The following FANCL variants were observed in gnomAD, a reference collection of about 807,000 sequenced individuals.
FANCL encodes the protein E3 ubiquitin-protein ligase FANCL.
A neutral mutation model predicts 59.4 loss-of-function variants in FANCL; 69 were observed. The observed-to-expected ratio is 1.16, with a 90% confidence interval of 0.96 to 1.42. The LOEUF (loss-of-function observed/expected upper bound fraction) is 1.42, where lower values mean the gene tolerates loss of function less well. Among genes scored for constraint, FANCL ranks in the 40% most tolerant of loss-of-function variants. The pLI is 0.00. For synonymous variants in FANCL, 180 were observed against 147.1 expected (o/e 1.22, Z -1.62); for missense variants, 519 against 447.2 (o/e 1.16, Z -1.45).
At chr2:58,238,878 T>C (rs547537942) in intron 1 of FANCL, among the ~76,000 whole-genome samples, 1 of 152,272 alleles carries the variant, frequency 6.6e-6, no homozygotes, top group East Asian at 1.9e-4. Context: ...AAAACACTGA[T>C]GAGAGGAAAT....
intron 3 of FANCL, among the ~76,000 whole-genome samples, chr2:58,228,579 T>C (rs956487866): frequency 3.3e-5 from 5 of 152,238 alleles, no homozygotes; most frequent in Non-Finnish European, 2.9e-5. Context: ...AACGGCAGAA[T>C]TGAGTAGCTG....
intron 4 of FANCL, among the ~76,000 whole-genome samples, chr2:58,226,142 A>C (rs1469494044): frequency 6.6e-6 from 1 of 152,054 alleles, no homozygotes; most frequent in Non-Finnish European, 1.5e-5. Context: ...AGATTGGCAA[A>C]ATGTTAAAAT....
Position 58,163,544 on chromosome 2 carries a change from T to G in FANCL, c.692-27A>C, listed in dbSNP as rs12624152. The G allele has an allele frequency of 0.099, 140,870 of 1,424,508 alleles. 7,915 individuals are homozygous for G. Among genetic ancestry groups the G allele is most frequent in the East Asian group, 0.22 (9,539 of 43,608 alleles). The allele number at this position is 1,424,508 out of a possible 1,614,324, so 88.2% of individuals were successfully genotyped here. Reference sequence around the variant, plus strand: ...TAGAATGAAACAAGATTAAATCTTTTAGAAGTAGAACAGCTCATCAAACAA... The same window carrying G: ...TAGAATGAAACAAGATTAAATCTTTGAGAAGTAGAACAGCTCATCAAACAA... On this transcript the variant is annotated intron_variant, in intron 8 of 13. Transcript: ENST00000233741.
At chr2:58,223,177 G>C (rs1692653299) in intron 4 of FANCL, among the ~76,000 whole-genome samples, 1 of 150,480 alleles carries the variant, frequency 6.6e-6, no homozygotes. Flanking sequence ...GATCCGTACA[G>C]CTGAGAATAT....
intron 8 of FANCL, 37 bp downstream of exon 8, chr2:58,165,687 C>T: frequency 1.2e-6 from 2 of 1,612,860 alleles, no homozygotes; most frequent in Non-Finnish European, 1.7e-6. Context: ...CAAAATAAAA[C>T]ACCTAAAAAC....
chr2:58,235,481 C>G (rs72618695), intron 1 of FANCL, among the ~76,000 whole-genome samples: 39,799 of 152,002 alleles, frequency 0.26, 6,302 homozygotes, highest in South Asian at 0.41. Context: ...TGCTTAAAAG[C>G]TTAAAGCTTA....
At chr2:58,228,588 TGC>T (rs1392236028) in intron 3 of FANCL, among the ~76,000 whole-genome samples, 1 of 152,220 alleles carries the variant, frequency 6.6e-6, no homozygotes, top group African/African-American at 2.4e-5. Context: ...ATTGAGTAGC[TGC>T]AACAGAGATC....
chr2:58,222,133 T>G, intron 4 of FANCL, 91 bp from the exon 5 acceptor site: 1 of 866,066 alleles, frequency 1.2e-6, no homozygotes, highest in South Asian at 1.5e-5. Flanking sequence ...CATTATCTTC[T>G]TAGTGCCTAA....
intron 7 of FANCL, among the ~76,000 whole-genome samples, chr2:58,186,628 C>A (rs1688428933): frequency 6.6e-6 from 1 of 152,164 alleles, no homozygotes; most frequent in Non-Finnish European, 1.5e-5. Flanking sequence ...GCTTCCATGC[C>A]ACTGGCTGAA....
intron 7 of FANCL, among the ~76,000 whole-genome samples, chr2:58,179,138 G>A (rs191969664): frequency 1.2e-4 from 19 of 152,228 alleles, no homozygotes; most frequent in Admixed American, 4.6e-4. Flanking sequence ...AATCAATATC[G>A]TGAAAATGGC....
intron 4 of FANCL, among the ~76,000 whole-genome samples, chr2:58,223,425 T>C (rs1471077246): frequency 6.6e-6 from 1 of 151,956 alleles, no homozygotes; most frequent in African/African-American, 2.4e-5. Context: ...AAATATTAAT[T>C]ATTGCTATTC....
chr2:58,210,347 C>G (rs903614822), intron 5 of FANCL, among the ~76,000 whole-genome samples: 9 of 152,128 alleles, frequency 5.9e-5, no homozygotes, highest in African/African-American at 2.2e-4. Flanking sequence ...GATGCAAAAG[C>G]AGAAACCCAA....
rs148178058 is a variant in FANCL, at chr2:58,163,298, G to A, written c.775+136C>T. 292 of 754,098 alleles carry A rather than the reference G, an allele frequency of 3.9e-4. 3 individuals carry two copies. In the African/African-American group the frequency reaches 4.6e-3, roughly 12 times the overall value. The allele number at this position is 754,098 out of a possible 1,614,324, so 46.7% of individuals were successfully genotyped here. On this transcript the variant is annotated intron_variant, in intron 9 of 13. Coordinates refer to ENST00000233741, the MANE Select transcript of FANCL (RefSeq NM_018062.4). ...ATCGCGCCATTACACTACATACTGG[G>A]CAACAAGAGCAAAACTCCGTCTCAG...
At chr2:58,226,668 CA>C (rs1693030700) in intron 4 of FANCL, 59 bp downstream of exon 4, 2 of 1,268,938 alleles carry the variant, frequency 1.6e-6, no homozygotes, top group African/African-American at 1.5e-5. Context: ...AAAGGAGTTA[CA>C]AAAAAGAAAT....
chr2:58,211,332 A>G (rs888339943), intron 5 of FANCL, among the ~76,000 whole-genome samples: 1 of 152,200 alleles, frequency 6.6e-6, no homozygotes, highest in Admixed American at 6.5e-5. Flanking sequence ...GGCCCTTTTC[A>G]GCCACAGCTG....
intron 7 of FANCL, among the ~76,000 whole-genome samples, chr2:58,197,152 CT>C (rs1689515864): frequency 6.7e-6 from 1 of 149,122 alleles, no homozygotes. Flanking sequence ...GAGATTGGGA[CT>C]TTAAAAAAAA....
At chr2:58,192,232 CA>C (rs1204638369) in intron 7 of FANCL, among the ~76,000 whole-genome samples, 2 of 151,880 alleles carry the variant, frequency 1.3e-5, no homozygotes, top group Admixed American at 1.3e-4. Context: ...GCACAGATCT[CA>C]AATCTTCTAC....
chr2:58,213,336 C>T (rs973024518), intron 5 of FANCL, among the ~76,000 whole-genome samples: 23 of 152,176 alleles, frequency 1.5e-4, no homozygotes, highest in African/African-American at 5.3e-4. Context: ...TTTAGATCAG[C>T]AGGTCCTGAA....
At chr2:58,234,466 G>GA (rs1301416908) in intron 1 of FANCL, among the ~76,000 whole-genome samples, 1 of 150,488 alleles carries the variant, frequency 6.6e-6, no homozygotes, top group Admixed American at 6.6e-5. Context: ...TACCAAATGA[G>GA]AAAAAAATTA....
Sources: allele counts gnomAD v4.1 joint callset (sites outside exome capture counted in the v4.1 genomes callset), GRCh38; gene constraint gnomAD v4.1.1; transcripts MANE v1.5; gene names NCBI Gene and HGNC (gene_info 2026-07-23, HGNC 2026-07-21).